Variants in MDFI observed in about 807,000 individuals in gnomAD.
The protein encoded by MDFI is inhibitor of MyoD family a.
In MDFI, 16 loss-of-function variants were observed where a neutral mutation model predicts 22.3. That is an observed-to-expected ratio of 0.72 (90% CI 0.49 to 1.09). The LOEUF is 1.09. Ranked by LOEUF, MDFI falls within the 50% of genes least tolerant of loss-of-function variation. The pLI is 0.00. For synonymous variants in MDFI, 145 were observed against 142.7 expected (o/e 1.02, Z -0.12); for missense variants, 314 against 326.1 (o/e 0.96, Z 0.29).
intron 2 of MDFI, among the ~76,000 whole-genome samples, chr6:41,645,289 C>A (rs955328898): frequency 2.6e-5 from 4 of 152,096 alleles, no homozygotes; most frequent in Admixed American, 6.5e-5. Context: ...CATCCCTTTT[C>A]CCCCTGAGCC....
chr6:41,651,542 C>T (rs1768272967), intron 4 of MDFI, among the ~76,000 whole-genome samples: 1 of 128,134 alleles, frequency 7.8e-6, no homozygotes, highest in Non-Finnish European at 1.7e-5. Context: ...CCTTACCAAC[C>T]AGGCAGTAAG....
intron 3 of MDFI, among the ~76,000 whole-genome samples, chr6:41,648,078 C>T (rs1768124433): frequency 6.6e-6 from 1 of 151,300 alleles, no homozygotes; most frequent in Non-Finnish European, 1.5e-5. Context: ...GAAGCTGCTC[C>T]ACCTAAAGCT....
intron 3 of MDFI, among the ~76,000 whole-genome samples, chr6:41,649,009 G>A (rs763734448): frequency 1.8e-4 from 28 of 152,200 alleles, no homozygotes; most frequent in Non-Finnish European, 4.0e-4. Flanking sequence ...TGCCCATAGA[G>A]GCAGGATGGG....
intron 4 of MDFI, among the ~76,000 whole-genome samples, chr6:41,651,097 C>CAGTAAGCCTAGACTA (rs1454758054): frequency 2.4e-4 from 36 of 149,986 alleles, no homozygotes; most frequent in Middle Eastern, 3.4e-3. Context: ...ATCCCAGCTA[C>CAGTAAGCCTAGACTA]TCCGGAGGCG....
chr6:41,642,308 G>A (rs937754036), intron 2 of MDFI, among the ~76,000 whole-genome samples: 2 of 152,154 alleles, frequency 1.3e-5, no homozygotes, highest in African/African-American at 4.8e-5. Context: ...TACATGAATT[G>A]CACATCCACA....
intron 2 of MDFI, among the ~76,000 whole-genome samples, chr6:41,642,431 G>A (rs956237875): frequency 2.0e-5 from 3 of 152,156 alleles, no homozygotes; most frequent in African/African-American, 4.8e-5. Flanking sequence ...GCTGGACAGC[G>A]GTGTCTCTTG....
chr6:41,653,448 G>A lies in MDFI; in HGVS notation c.614G>A (p.Gly205Asp). The change falls in exon 5 of 5, where the codon GGC (glycine) becomes GAC (aspartate). Residue 205 changes from glycine (G) to aspartate (D), a missense_variant. Transcript: ENST00000230321. This position sits in a 1 kb window ranked among gnomAD's most constrained non-coding sequence, Gnocchi z 4.2. ...TCGTGCCTCTGCTGCTGCTGCTGTGGCTCTGGCGAGTGTGCCGACTGCGAC... is the reference window on the plus strand; with the variant it reads ...TCGTGCCTCTGCTGCTGCTGCTGTGACTCTGGCGAGTGTGCCGACTGCGAC... The part of the protein sequence containing the change: ...EDSCLCCCCC[G>D]SGECADCDLP... 1 of 1,605,792 alleles carries A rather than the reference G, an allele frequency of 6.2e-7. No homozygotes were observed. The highest frequency in any genetic ancestry group is 8.5e-7 in the Non-Finnish European group (1 of 1,179,970).
At chr6:41,650,922 G>A (rs1374401367) in intron 4 of MDFI, among the ~76,000 whole-genome samples, 1 of 152,034 alleles carries the variant, frequency 6.6e-6, no homozygotes, top group Non-Finnish European at 1.5e-5. Context: ...AAAATGTCCT[G>A]GCCAGGCACG....
intron 3 of MDFI, 98 bp downstream of exon 3, chr6:41,646,406 GC>G: frequency 2.7e-6 from 3 of 1,127,624 alleles, no homozygotes; most frequent in East Asian, 3.2e-5. Context: ...CACCCGCTTG[GC>G]CAGAACCTTG....
Position 41,640,714 on chromosome 6 carries a change from C to T in MDFI, c.76+1889C>T, listed in dbSNP as rs73735906. ...GACAGCCAGGGAGCAAGTCGGCCTC[C>T]TCCCTCAGCCACCCCAGATGCAGAC... On this transcript the variant is annotated intron_variant, in intron 2 of 4. Transcript: ENST00000230321. Among the ~76,000 whole-genome samples the T allele has an allele frequency of 7.7e-3, 1,176 of 152,370 alleles. 18 individuals are homozygous for T. Among genetic ancestry groups the T allele is most frequent in the African/African-American group, 0.026 (1,102 of 41,586 alleles).
Position 41,638,565 on chromosome 6 carries a change from G to T in MDFI, c.-99G>T. On this transcript the variant is annotated 5_prime_UTR_variant, in exon 1 of 5. Transcript: ENST00000230321. This position sits in a 1 kb window ranked among gnomAD's most constrained non-coding sequence, Gnocchi z 7.6. ...CAGGCGAGCACCCGGGAGCCAGCGG[G>T]ACCTGGGCAGGGGCGCCCGGAGCAG... The T allele has an allele frequency of 1.7e-6, 1 of 596,514 alleles. No homozygotes were observed. The allele number at this position is 596,514 out of a possible 1,614,324, so 37.0% of individuals were successfully genotyped here. A position where few individuals can be genotyped will look rare whatever the true frequency, so the allele number is the denominator to read the frequency against.
At position 41,653,580 on chromosome 6, in the gene MDFI, C is replaced by CGACAGA; in HGVS notation, c.*5_*6insGACAGA. 2.5e-6 allele frequency: 4 copies of CGACAGA among 1,599,340 alleles called. No homozygotes were observed. The African/African-American group carries it at 5.3e-5, about 21-fold the overall frequency. ...GGGCTCTGCTTCTCCTCCTGAGCCT[C>CGACAGA]TGTCGGGGGCTAAGCCAGCCTGGCG... is the stretch of plus-strand genomic sequence containing the variant. On this transcript the variant is annotated 3_prime_UTR_variant, in exon 5 of 5. Coordinates refer to ENST00000230321, the MANE Select transcript of MDFI (RefSeq NM_005586.4). This position sits in a 1 kb window ranked among gnomAD's most constrained non-coding sequence, Gnocchi z 4.2.
intron 2 of MDFI, among the ~76,000 whole-genome samples, chr6:41,641,126 A>C (rs1038340844): frequency 1.7e-4 from 26 of 152,072 alleles, no homozygotes; most frequent in African/African-American, 5.3e-4. Flanking sequence ...CCTAGTCTTC[A>C]TTTCTTTCTC....
chr6:41,643,659 AAG>A (rs111230687), intron 2 of MDFI, among the ~76,000 whole-genome samples: 183 of 150,604 alleles, frequency 1.2e-3, no homozygotes, highest in South Asian at 2.1e-3. Flanking sequence ...TTAAAAAAAA[AAG>A]AGAGAGAGAA....
chr6:41,642,320 G>A (rs1181719211), intron 2 of MDFI, among the ~76,000 whole-genome samples: 2 of 152,150 alleles, frequency 1.3e-5, no homozygotes, highest in East Asian at 3.8e-4. Context: ...ACATCCACAC[G>A]GGGGGCCTCC....
upstream of MDFI, among the ~76,000 whole-genome samples, chr6:41,637,584 T>C (rs1281296426): frequency 6.6e-6 from 1 of 151,846 alleles, no homozygotes; most frequent in African/African-American, 2.4e-5. This position sits in a 1 kb window ranked among gnomAD's most constrained non-coding sequence, Gnocchi z 6.8. Flanking sequence ...TTCCCCATTC[T>C]CGGGGACCAG....
intron 2 of MDFI, chr6:41,639,227 T>G: frequency 1.0e-6 from 1 of 985,256 alleles, no homozygotes; most frequent in African/African-American, 1.7e-5. Context: ...CTTTCTCTAC[T>G]TCCCTTCCCC....
chr6:41,638,842 C>T lies in MDFI; in HGVS notation c.76+17C>T. The T allele has an allele frequency of 6.5e-7, 1 of 1,543,436 alleles. No homozygotes were observed. Among genetic ancestry groups the T allele is most frequent in the Non-Finnish European group, 8.7e-7 (1 of 1,150,718 alleles). On this transcript the variant is annotated intron_variant, in intron 2 of 4. Transcript: ENST00000230321. The surrounding 1 kb of genome is among the most constrained non-coding windows in gnomAD (Gnocchi z 7.6). ...CGGGCCCAGGTAGGACCGGGAGTGG[C>T]GAGCGAAGCTGGACAGGGGCGGGTG... is the stretch of plus-strand genomic sequence containing the variant.
Position 41,646,227 on chromosome 6 carries a change from C to T in MDFI, c.178C>T (p.Pro60Ser). The change falls in exon 3 of 5, where the codon CCC (proline) becomes TCC (serine). Residue 60 changes from proline to serine, a missense_variant. Coordinates refer to ENST00000230321, the MANE Select transcript of MDFI (RefSeq NM_005586.4). Reference protein sequence around the residue: ...EEGSLEEAATPMPQGNGPGIP... With the variant: ...EEGSLEEAATSMPQGNGPGIP... ...GGGCTCCCTGGAGGAGGCGGCAACCCCCATGCCCCAAGGCAATGGCCCTGG... is the reference window on the plus strand; with the variant it reads ...GGGCTCCCTGGAGGAGGCGGCAACCTCCATGCCCCAAGGCAATGGCCCTGG... The T allele has an allele frequency of 6.3e-7, 1 of 1,592,962 alleles. No individual in the cohort carries two copies. Among genetic ancestry groups the T allele is most frequent in the Non-Finnish European group, 8.5e-7 (1 of 1,169,970 alleles).
Sources: gnomAD v4.1 joint callset for allele counts (sites outside exome capture counted in the v4.1 genomes callset) on GRCh38, gnomAD v4.1.1 for gene constraint, Gnocchi (gnomAD v3.1) non-coding constraint, MANE v1.5 for transcripts, NCBI Gene and HGNC (gene_info 2026-07-23, HGNC 2026-07-21) for gene names.